Variants in FRMD4A observed in about 807,000 individuals in gnomAD.
FRMD4A encodes FERM domain containing 4A, also known as FERM domain-containing protein 4A.
Under a neutral mutation model 129.1 loss-of-function variants are expected in FRMD4A, and 29 were observed. The ratio of observed to expected loss-of-function variants is 0.22; its 90% confidence interval spans 0.17 to 0.31. The LOEUF is 0.31. Ranked by LOEUF, FRMD4A falls within the 10% of genes least tolerant of loss-of-function variation. FRMD4A has a pLI of 1.00. For missense variants in FRMD4A, 1,272 were observed against 1,375.8 expected, an observed-to-expected ratio of 0.92 and a Z score of 1.19; for synonymous variants, 634 against 571.6, an observed-to-expected ratio of 1.11 and a Z score of -1.56.
At chr10:13,927,606 C>T (rs763766018) in intron 2 of FRMD4A, among the ~76,000 whole-genome samples, 8 of 152,272 alleles carry the variant, frequency 5.3e-5, no homozygotes, top group Middle Eastern at 3.4e-3. Context: ...CATGAGGAAA[C>T]GATCAGAACG....
intron 12 of FRMD4A, chr10:13,707,766 C>T (rs1394644627): frequency 2.0e-6 from 2 of 985,256 alleles, no homozygotes; most frequent in African/African-American, 3.5e-5. Flanking sequence ...ACAAAGAAAA[C>T]CAAGAGTTCT....
chr10:14,324,314 G>C (rs759273519), intron 2 of FRMD4A, among the ~76,000 whole-genome samples: 1 of 152,090 alleles, frequency 6.6e-6, no homozygotes, highest in Non-Finnish European at 1.5e-5. Context: ...TTTTACCTTG[G>C]GTGCAATAAT....
intron 8 of FRMD4A, among the ~76,000 whole-genome samples, chr10:13,749,593 A>G (rs921887720): frequency 2.6e-5 from 4 of 152,264 alleles, no homozygotes; most frequent in African/African-American, 9.6e-5. Flanking sequence ...GCAAAACCAC[A>G]CCAATACACT....
intron 2 of FRMD4A, among the ~76,000 whole-genome samples, chr10:14,251,853 G>C (rs1052031116): frequency 2.0e-5 from 3 of 151,950 alleles, no homozygotes; most frequent in Non-Finnish European, 4.4e-5. Context: ...AGGTTTATGG[G>C]AGGAAGATCA....
intron 14 of FRMD4A, among the ~76,000 whole-genome samples, chr10:13,699,054 C>CTTTTT (rs34061856): frequency 7.8e-6 from 1 of 128,188 alleles, no homozygotes. Flanking sequence ...CTACAATAAT[C>CTTTTT]TTTTTTTTTT....
chr10:13,907,570 A>C (rs2094895284), intron 2 of FRMD4A, among the ~76,000 whole-genome samples: 1 of 152,160 alleles, frequency 6.6e-6, no homozygotes, highest in African/African-American at 2.4e-5. Flanking sequence ...TTATTTGTTG[A>C]GGGTTCAAGG....
chr10:14,120,564 C>A (rs181872281), intron 2 of FRMD4A, among the ~76,000 whole-genome samples: 1 of 152,206 alleles, frequency 6.6e-6, no homozygotes, highest in Non-Finnish European at 1.5e-5. Context: ...AATAAATGAA[C>A]AATGTGAGCT....
At chr10:14,200,510 C>T (rs1842604655) in intron 2 of FRMD4A, among the ~76,000 whole-genome samples, 1 of 152,132 alleles carries the variant, frequency 6.6e-6, no homozygotes, top group Non-Finnish European at 1.5e-5. Context: ...CCAGGCTGAT[C>T]TCGAACTCCT....
chr10:13,861,090 T>C lies in FRMD4A; in HGVS notation c.46-2178A>G, dbSNP rs10430782. The stretch of plus-strand genomic sequence containing the variant: ...ACAGTCGCGGGCCGAAGGTGCCTAC[T>C]GCACTCACGGCTCAGTCCCACCCAG... On this transcript the variant is annotated intron_variant, in intron 2 of 24. Coordinates refer to ENST00000357447, the MANE Select transcript of FRMD4A (RefSeq NM_018027.5). Among the ~76,000 whole-genome samples, 882 of 152,304 alleles carry C rather than the reference T, an allele frequency of 5.8e-3. 6 individuals carry two copies. Among genetic ancestry groups the C allele is most frequent in the East Asian group, 0.028 (143 of 5,176 alleles).
At chr10:14,325,893 A>T (rs549949291) in intron 2 of FRMD4A, among the ~76,000 whole-genome samples, 1 of 152,350 alleles carries the variant, frequency 6.6e-6, no homozygotes, top group East Asian at 1.9e-4. Flanking sequence ...GGTCTATTCA[A>T]AAGAAGCCCA....
chr10:13,882,769 T>G (rs1327044130), intron 2 of FRMD4A, among the ~76,000 whole-genome samples: 2 of 150,618 alleles, frequency 1.3e-5, no homozygotes, highest in Non-Finnish European at 3.0e-5. Flanking sequence ...TTTATCTACA[T>G]CCAATACAAA....
chr10:13,849,293 C>A (rs1268047190), intron 3 of FRMD4A, among the ~76,000 whole-genome samples: 1 of 152,164 alleles, frequency 6.6e-6, no homozygotes, highest in Non-Finnish European at 1.5e-5. Flanking sequence ...CTGGTGGATT[C>A]AGACCAGACA....
At chr10:14,001,063 A>G (rs1175593247) in intron 2 of FRMD4A, among the ~76,000 whole-genome samples, 1 of 152,188 alleles carries the variant, frequency 6.6e-6, no homozygotes, top group Admixed American at 6.5e-5. Flanking sequence ...ACCAGAAAAC[A>G]CAAAAACTAG....
At chr10:14,110,146 A>AAAAAAAAAAAAAAAAAT (rs1229272951) in intron 2 of FRMD4A, among the ~76,000 whole-genome samples, 1 of 150,654 alleles carries the variant, frequency 6.6e-6, no homozygotes, top group Admixed American at 6.6e-5. Context: ...AAAAAAAAAA[A>AAAAAAAAAAAAAAAAAT]AGCTCTTTTC....
intron 2 of FRMD4A, among the ~76,000 whole-genome samples, chr10:14,031,994 G>A (rs1226435427): frequency 6.6e-6 from 1 of 151,916 alleles, no homozygotes; most frequent in Non-Finnish European, 1.5e-5. Context: ...AATTTTTTGA[G>A]ATGGGGTCTT....
At chr10:13,712,760 G>A (rs187705503) in intron 12 of FRMD4A, among the ~76,000 whole-genome samples, 1 of 152,318 alleles carries the variant, frequency 6.6e-6, no homozygotes, top group East Asian at 1.9e-4. Flanking sequence ...GAAAACAGGA[G>A]GTGGGAAACA....
intron 2 of FRMD4A, among the ~76,000 whole-genome samples, chr10:14,010,662 G>GTCTTTTTTTTTTT (rs2095678689): frequency 1.5e-5 from 1 of 66,496 alleles, no homozygotes; most frequent in African/African-American, 3.8e-5. Context: ...TCGAGTTTAG[G>GTCTTTTTTTTTTT]TCTTTTTTTT....
chr10:14,033,977 A>T (rs1443667434), intron 2 of FRMD4A, among the ~76,000 whole-genome samples: 1 of 152,240 alleles, frequency 6.6e-6, no homozygotes, highest in Non-Finnish European at 1.5e-5. Context: ...TGAGGCATTC[A>T]TCCTAAGTGA....
intron 17 of FRMD4A, among the ~76,000 whole-genome samples, 169 bp downstream of exon 17, chr10:13,670,237 C>T (rs2083404576): frequency 6.6e-6 from 1 of 152,130 alleles, no homozygotes; most frequent in African/African-American, 2.4e-5. Context: ...ACTACTCCTA[C>T]CGAGGGGAAC....
Sources: gnomAD v4.1 joint callset for allele counts (sites outside exome capture counted in the v4.1 genomes callset) on GRCh38, gnomAD v4.1.1 for gene constraint, MANE v1.5 for transcripts, NCBI Gene and HGNC (gene_info 2026-07-23, HGNC 2026-07-21) for gene names.